The following HNF4G variants were observed in gnomAD, a reference collection of about 807,000 sequenced individuals.
The protein encoded by HNF4G is hepatocyte nuclear factor 4 gamma, also known as hepatocyte nuclear factor 4-gamma.
A neutral mutation model predicts 50.9 loss-of-function variants in HNF4G; 21 were observed. The observed-to-expected ratio is 0.41, with a 90% confidence interval of 0.29 to 0.59. The LOEUF is 0.59. Ranked by LOEUF, HNF4G falls within the 20% of genes least tolerant of loss-of-function variation. HNF4G has a pLI of 0.26. For missense variants in HNF4G, 527 were observed against 559.4 expected (o/e 0.94, Z 0.58); for synonymous variants, 198 against 185.6 (o/e 1.07, Z -0.54).
upstream of HNF4G, among the ~76,000 whole-genome samples, chr8:75,538,936 T>G (rs1457510309): frequency 6.6e-6 from 1 of 152,216 alleles, no homozygotes; most frequent in African/African-American, 2.4e-5. Flanking sequence ...TTAACAAATG[T>G]GGAAAAGGAC....
At chr8:75,407,782 T>G (rs1309461173), upstream of HNF4G, 1 of 152,564 alleles carries the variant, frequency 6.6e-6, no homozygotes, top group Admixed American at 6.5e-5. Flanking sequence ...TTAAGCTTCC[T>G]CTCCCAAGTC....
intron 2 of HNF4G, among the ~76,000 whole-genome samples, chr8:75,504,460 ACT>A (rs1813020763): frequency 6.6e-6 from 1 of 151,990 alleles, no homozygotes; most frequent in Non-Finnish European, 1.5e-5. Context: ...CATTTTAATA[ACT>A]CTTGATATAT....
chr8:75,412,683 T>C (rs771144450), intron 1 of HNF4G, among the ~76,000 whole-genome samples: 5 of 152,156 alleles, frequency 3.3e-5, no homozygotes, highest in Non-Finnish European at 7.3e-5. Context: ...TTGCTTATGC[T>C]CTTGGCTGAC....
At position 75,539,870 on chromosome 8, in the gene HNF4G, G is replaced by T; in HGVS notation, c.-93G>T. On this transcript the variant is annotated 5_prime_UTR_variant, in exon 1 of 10. Coordinates refer to ENST00000396423, the MANE Select transcript of HNF4G (RefSeq NM_004133.5). The stretch of plus-strand genomic sequence containing the variant: ...AGTCACTCAGTTACAGTTAACTTTG[G>T]ATTAGCACTCACAGATTGAAAGCAA... 1.5e-6 allele frequency: 1 copy of T among 657,496 alleles called. No homozygotes were observed. The highest frequency in any genetic ancestry group is 2.8e-6 in the Non-Finnish European group (1 of 358,840). 40.7% of individuals were successfully genotyped at this position (657,496 alleles called of 1,614,324 possible). A position where few individuals can be genotyped will look rare whatever the true frequency, so the allele number is the denominator to read the frequency against.
intron 2 of HNF4G, among the ~76,000 whole-genome samples, chr8:75,515,730 G>T (rs915110458): frequency 6.6e-6 from 1 of 151,054 alleles, no homozygotes; most frequent in East Asian, 1.9e-4. Flanking sequence ...GGCCCTCAAA[G>T]GATTGGATAA....
chr8:75,433,527 G>A (rs1811065350), intron 1 of HNF4G, among the ~76,000 whole-genome samples: 1 of 151,450 alleles, frequency 6.6e-6, no homozygotes, highest in Admixed American at 6.6e-5. Context: ...TTTATTGATT[G>A]ATTTTTAAAT....
intron 1 of HNF4G, among the ~76,000 whole-genome samples, chr8:75,473,317 T>G (rs796269721): frequency 6.8e-4 from 104 of 152,134 alleles, no homozygotes; most frequent in African/African-American, 2.3e-3. Context: ...AAAGTGTCAT[T>G]ATGTCATGGA....
intron 2 of HNF4G, among the ~76,000 whole-genome samples, chr8:75,492,507 T>C (rs932728469): frequency 2.0e-5 from 3 of 152,202 alleles, no homozygotes; most frequent in Non-Finnish European, 4.4e-5. Context: ...TGTTTGCACA[T>C]TTCACATATG....
At chr8:75,531,041 G>T (rs184663844) in intron 2 of HNF4G, among the ~76,000 whole-genome samples, 1 of 152,002 alleles carries the variant, frequency 6.6e-6, no homozygotes, top group Non-Finnish European at 1.5e-5. Context: ...TGATCCATCC[G>T]CCTTGGCCTC....
intron 1 of HNF4G, among the ~76,000 whole-genome samples, chr8:75,477,967 A>G (rs1375195501): frequency 6.6e-6 from 1 of 151,788 alleles, no homozygotes; most frequent in East Asian, 1.9e-4. Context: ...AACTCCGTTC[A>G]AAAAAAGAAA....
intron 2 of HNF4G, among the ~76,000 whole-genome samples, chr8:75,508,269 A>T (rs1237405885): frequency 1.3e-5 from 2 of 152,098 alleles, no homozygotes; most frequent in East Asian, 3.9e-4. Flanking sequence ...TATTTGAGAA[A>T]ATGGGCTGGG....
intron 1 of HNF4G, among the ~76,000 whole-genome samples, chr8:75,469,565 G>A (rs1812067131): frequency 6.6e-6 from 1 of 152,160 alleles, no homozygotes; most frequent in South Asian, 2.1e-4. Context: ...TACTGTAGAA[G>A]TGGCAGAAGA....
chr8:75,463,772 ATTTTTTT>A (rs373640826), intron 1 of HNF4G, among the ~76,000 whole-genome samples: 5 of 115,582 alleles, frequency 4.3e-5, no homozygotes, highest in Admixed American at 8.9e-5. Flanking sequence ...GAATATGTTG[ATTTTTTT>A]TTTTTTTTTT....
intron 1 of HNF4G, among the ~76,000 whole-genome samples, chr8:75,480,576 A>G (rs1403684528): frequency 6.6e-6 from 1 of 152,216 alleles, no homozygotes; most frequent in Admixed American, 6.5e-5. Context: ...CATATTTTCC[A>G]TGAACCTTGC....
At chr8:75,507,769 A>G (rs1454264084) in intron 2 of HNF4G, among the ~76,000 whole-genome samples, 1 of 152,322 alleles carries the variant, frequency 6.6e-6, no homozygotes, top group East Asian at 1.9e-4. Context: ...TTAACTAGTT[A>G]CATGTTTTTA....
chr8:75,461,716 A>C (rs1180247942), intron 1 of HNF4G, among the ~76,000 whole-genome samples: 1 of 62,734 alleles, frequency 1.6e-5, no homozygotes, highest in African/African-American at 1.3e-4. Flanking sequence ...AATAGCACTG[A>C]ACTCTGTATA....
rs763549312 is a variant in HNF4G at position 75,553,186 on chromosome 8, T to C, written c.634T>C (p.Leu212=). 5 of 1,612,166 alleles carry C rather than the reference T, an allele frequency of 3.1e-6. No homozygotes were observed. The African/African-American group carries it at 4.0e-5, about 13-fold the overall frequency. ...KYIPAFCELP[L]DDQVALLRAH... ...TATTCCTGCCTTCTGTGAATTACCA[T>C]TGGATGATCAGGTACACATTTAAAA... The change falls in exon 5 of 10, where the codon TTG becomes CTG. Residue 212 remains leucine (L), a synonymous_variant. Transcript: ENST00000396423.
chr8:75,483,407 C>G (rs1159127952), intron 1 of HNF4G, among the ~76,000 whole-genome samples: 2 of 152,082 alleles, frequency 1.3e-5, no homozygotes, highest in Non-Finnish European at 2.9e-5. Flanking sequence ...TAACATTAAG[C>G]AAGCAAAAGT....
At chr8:75,563,475 T>C (rs1028128281) in intron 9 of HNF4G, among the ~76,000 whole-genome samples, 2 of 152,002 alleles carry the variant, frequency 1.3e-5, no homozygotes, top group Non-Finnish European at 2.9e-5. Context: ...TGACTACAAC[T>C]TAGATTTCAG....
Sources: allele counts gnomAD v4.1 joint callset (sites outside exome capture counted in the v4.1 genomes callset), GRCh38; gene constraint gnomAD v4.1.1; transcripts MANE v1.5; gene names NCBI Gene and HGNC (gene_info 2026-07-23, HGNC 2026-07-21).